The following MED12L variants were observed in gnomAD, a reference collection of about 807,000 sequenced individuals.
MED12L encodes the protein mediator complex subunit 12L, also known as mediator of RNA polymerase II transcription subunit 12-like protein.
A neutral mutation model predicts 281.3 loss-of-function variants in MED12L; 60 were observed. The observed-to-expected ratio is 0.21, with a 90% CI of 0.17 to 0.26. MED12L has a LOEUF of 0.26. Among genes scored for constraint, MED12L ranks in the 10% least tolerant of loss-of-function variants. The pLI is 1.00. For missense variants in MED12L, 2,146 were observed against 2,680.9 expected, an observed-to-expected ratio of 0.80 and a Z score of 4.41; for synonymous variants, 974 against 987.2, an observed-to-expected ratio of 0.99 and a Z score of 0.25.
intron 39 of MED12L, among the ~76,000 whole-genome samples, chr3:151,396,310 A>G (rs1714959269): frequency 6.6e-6 from 1 of 152,200 alleles, no homozygotes; most frequent in African/African-American, 2.4e-5. Context: ...TCCCACTAGA[A>G]TGAATTTAGC....
At chr3:151,196,222 C>A (rs1175286809) in intron 16 of MED12L, among the ~76,000 whole-genome samples, 2 of 152,140 alleles carry the variant, frequency 1.3e-5, no homozygotes, top group Admixed American at 1.3e-4. Context: ...GAAAGAACTG[C>A]TAGACAATTG....
chr3:151,161,086 G>C (rs982022956), intron 8 of MED12L, among the ~76,000 whole-genome samples: 2 of 152,192 alleles, frequency 1.3e-5, no homozygotes, highest in Non-Finnish European at 2.9e-5. Flanking sequence ...TGTCATCAGA[G>C]GGTTTTATGC....
At chr3:151,153,452 C>T (rs1157963270) in intron 5 of MED12L, among the ~76,000 whole-genome samples, 1 of 152,114 alleles carries the variant, frequency 6.6e-6, no homozygotes, top group Non-Finnish European at 1.5e-5. Flanking sequence ...TTTAGAACTG[C>T]TCTACTTTCA....
chr3:151,297,406 G>A (rs1311997260), intron 16 of MED12L, among the ~76,000 whole-genome samples: 1 of 151,288 alleles, frequency 6.6e-6, no homozygotes, highest in African/African-American at 2.4e-5. Flanking sequence ...ATCTAACCTG[G>A]GATAGAACTC....
At chr3:151,396,434 C>T (rs1042897039) in intron 39 of MED12L, among the ~76,000 whole-genome samples, 10 of 152,100 alleles carry the variant, frequency 6.6e-5, no homozygotes, top group African/African-American at 2.4e-4. Context: ...TCAAGATCAA[C>T]CTGGCCAACA....
intron 16 of MED12L, among the ~76,000 whole-genome samples, chr3:151,228,588 G>A (rs756153419): frequency 1.4e-4 from 21 of 152,150 alleles, no homozygotes; most frequent in Non-Finnish European, 2.6e-4. Flanking sequence ...CTTGAACAAG[G>A]GACAAATTGG....
At chr3:151,420,827 G>T (rs1378295849) in intron 43 of MED12L, among the ~76,000 whole-genome samples, 1 of 152,170 alleles carries the variant, frequency 6.6e-6, no homozygotes, top group African/African-American at 2.4e-5. Flanking sequence ...GGTGGATAAG[G>T]CATTCTGTGA....
At chr3:151,190,680 G>A in intron 13 of MED12L, 37 bp from the exon 14 acceptor site, 1 of 1,591,236 alleles carries the variant, frequency 6.3e-7, no homozygotes, top group South Asian at 1.1e-5. Flanking sequence ...TCTACCACCT[G>A]CTCAAGGAAT....
At chr3:151,165,313 T>C in intron 9 of MED12L, 107 bp from the exon 10 acceptor site, 2 of 673,960 alleles carry the variant, frequency 3.0e-6, no homozygotes, top group South Asian at 2.6e-5. Flanking sequence ...GCAGTCAAGA[T>C]TGTAGTTCAC....
Position 151,173,074 on chromosome 3 carries a change from C to CTTTT in MED12L, c.1494+7103_1494+7106dup, listed in dbSNP as rs75490096. Among the ~76,000 whole-genome samples, 130 of 140,386 alleles carry CTTTT rather than the reference C, an allele frequency of 9.3e-4. 1 individual carries two copies. The highest frequency in any genetic ancestry group is 2.3e-3 in the African/African-American group (87 of 38,608). 92.1% of individuals were successfully genotyped at this position (140,386 alleles called of 152,430 possible). On this transcript the variant is annotated intron_variant, in intron 11 of 44. Coordinates refer to ENST00000687756, the MANE Select transcript of MED12L (RefSeq NM_001393769.1). ...TGATTTGTTTTTGAGTATTATGCGA[C>CTTTT]TTTTTTTTTTTTTTAACTTTTTTGT... is the stretch of plus-strand genomic sequence containing the variant.
intron 5 of MED12L, among the ~76,000 whole-genome samples, chr3:151,153,945 T>A (rs1046095489): frequency 2.0e-5 from 3 of 152,164 alleles, no homozygotes; most frequent in African/African-American, 7.2e-5. Flanking sequence ...GGTTGGGGCC[T>A]AAGGCAGTGG....
rs377167721 is a variant in MED12L, at chr3:151,165,443, A to C, written c.1281A>C (p.Val427=). The change falls in exon 10 of 45, where the codon GTA becomes GTC. Residue 427 remains valine, a synonymous_variant. Transcript: ENST00000687756. ...AGGTTCGGGCAAGGATTTATGAAGT[A>C]GAACAACAGATAAAACAAAGAGGCC... The part of the protein sequence containing the change: ...NQQVRARIYE[V]EQQIKQRGRA... 1 of 1,613,944 alleles carries C rather than the reference A, an allele frequency of 6.2e-7. No individual in the cohort carries two copies. Among genetic ancestry groups the C allele is most frequent in the African/African-American group, 1.3e-5 (1 of 74,946 alleles).
intron 16 of MED12L, chr3:151,327,545 G>A (rs1323366020): frequency 1.3e-5 from 2 of 152,002 alleles, no homozygotes; most frequent in Admixed American, 6.6e-5. Flanking sequence ...GCAGTTTTCA[G>A]CAATGGACTT....
intron 16 of MED12L, chr3:151,294,030 C>T: frequency 1.5e-6 from 1 of 662,414 alleles, no homozygotes; most frequent in South Asian, 1.9e-5. Flanking sequence ...TTAATGTTTT[C>T]CTTACTTTCA....
chr3:151,139,981 T>A (rs1281081270), intron 5 of MED12L, among the ~76,000 whole-genome samples: 1 of 152,214 alleles, frequency 6.6e-6, no homozygotes, highest in East Asian at 1.9e-4. Flanking sequence ...TTGGTACTTT[T>A]CCTGGAAGAT....
intron 16 of MED12L, chr3:151,213,188 G>A (rs2149218338): frequency 2.6e-6 from 2 of 772,944 alleles, no homozygotes; most frequent in Admixed American, 2.7e-5. Flanking sequence ...TAAATTGGAT[G>A]GCAGTGCTAG....
At chr3:151,185,540 C>A in intron 12 of MED12L, 79 bp downstream of exon 12, 1 of 1,461,142 alleles carries the variant, frequency 6.8e-7, no homozygotes. Context: ...TTCTCTTACC[C>A]TCATTATGTT....
chr3:151,193,617 A>T lies in MED12L; in HGVS notation c.2201A>T (p.Tyr734Phe). 6.2e-7 allele frequency: 1 copy of T among 1,614,122 alleles called. No individual in the cohort carries two copies. The highest frequency in any genetic ancestry group is 8.5e-7 in the Non-Finnish European group (1 of 1,179,996). The part of the protein sequence containing the change: ...KPRELIFPSN[Y>F]DLLRHLQYAT... ...AGGGAATTAATTTTTCCATCTAATT[A>T]TGACCTCCTTCGCCACTTACAGTAT... Residue 734 changes from tyrosine to phenylalanine, a missense_variant, in exon 16 of 45, where the codon TAT becomes TTT. Tyr to Phe is a conservative substitution (Grantham distance 22). Transcript: ENST00000687756.
intron 16 of MED12L, among the ~76,000 whole-genome samples, chr3:151,227,016 T>C (rs893761427): frequency 6.6e-6 from 1 of 152,188 alleles, no homozygotes; most frequent in Admixed American, 6.5e-5. Flanking sequence ...TGCTTGCTGC[T>C]GTTTGTCACC....
Sources: gnomAD v4.1 joint callset for allele counts (sites outside exome capture counted in the v4.1 genomes callset) on GRCh38, gnomAD v4.1.1 for gene constraint, MANE v1.5 for transcripts, NCBI Gene and HGNC (gene_info 2026-07-23, HGNC 2026-07-21) for gene names.